The following GTF3C2 variants were observed in gnomAD, a reference collection of about 807,000 sequenced individuals.
GTF3C2 encodes the protein general transcription factor IIIC subunit 2, also known as general transcription factor 3C polypeptide 2.
GTF3C2 carries 17 observed loss-of-function variants against 117.4 expected under a neutral mutation model. That is an observed-to-expected ratio of 0.14 (90% CI 0.10 to 0.22). The LOEUF (loss-of-function observed/expected upper bound fraction) is 0.22. Ranked by LOEUF, GTF3C2 falls within the 10% of genes least tolerant of loss-of-function variation. The pLI, the probability that GTF3C2 is intolerant of heterozygous loss-of-function variation, is 1.00. For missense variants in GTF3C2, 888 were observed against 1,143.6 expected (o/e 0.78, Z 3.22); for synonymous variants, 437 against 427.0 (o/e 1.02, Z -0.29).
chr2:27,344,752 GGAA>G (rs1469334847), intron 1 of GTF3C2, among the ~76,000 whole-genome samples: 2 of 152,172 alleles, frequency 1.3e-5, no homozygotes, highest in Non-Finnish European at 2.9e-5. Context: ...GAGAGGCCAA[GGAA>G]GAAGGACTGC....
rs182750748 is a variant in GTF3C2 at position 27,334,935 on chromosome 2, T to C, written c.1576+663A>G. Among the ~76,000 whole-genome samples, 128 of 152,310 alleles carry C rather than the reference T, an allele frequency of 8.4e-4. 2 individuals are homozygous for C. Among genetic ancestry groups the C allele is most frequent in the African/African-American group, 3.0e-3 (123 of 41,576 alleles). Reference sequence around the variant, plus strand: ...ACTGGAATTAAGGCATGGACCACCATGCCCAGCCCCACAGCCAAACTTCTT... The same window carrying C: ...ACTGGAATTAAGGCATGGACCACCACGCCCAGCCCCACAGCCAAACTTCTT... On this transcript the variant is annotated intron_variant, in intron 10 of 18. Coordinates refer to ENST00000264720, the Ensembl canonical transcript of GTF3C2.
At position 27,336,044 on chromosome 2, in the gene GTF3C2, A is replaced by T. The variant is rs1407633893; in HGVS notation, c.1356-16T>A. The T allele has an allele frequency of 6.5e-6, 10 of 1,540,824 alleles. No homozygotes were observed. The highest frequency in any genetic ancestry group is 9.0e-6 in the Non-Finnish European group (10 of 1,113,224). ...GTTGCCAGGACTGGAGAGAGAGAGC[A>T]TGTGGGGATGGTGGGTAGGAAGAAG... On this transcript the variant is annotated splice_polypyrimidine_tract_variant and intron_variant, in intron 8 of 18. Transcript: ENST00000264720.
chr2:27,336,479 G>A, intron 7 of GTF3C2, 54 bp from the exon 8 acceptor site: 2 of 1,058,642 alleles, frequency 1.9e-6, no homozygotes, highest in Non-Finnish European at 2.9e-6. Flanking sequence ...AGGTAATGAG[G>A]ACTGAATGGG....
At chr2:27,341,854 T>C (rs1680743451) in intron 4 of GTF3C2, 94 bp downstream of exon 4, 2 of 1,072,532 alleles carry the variant, frequency 1.9e-6, no homozygotes, top group Non-Finnish European at 2.8e-6. Context: ...CTATTATAGT[T>C]ACCAGGTCAA....
intron 12 of GTF3C2, among the ~76,000 whole-genome samples, chr2:27,331,032 G>A (rs1195523692): frequency 6.6e-6 from 1 of 152,156 alleles, no homozygotes; most frequent in South Asian, 2.1e-4. Context: ...GCCACTCAGG[G>A]AATGAATGCA....
intron 3 of GTF3C2, 76 bp from the exon 4 acceptor site, chr2:27,342,309 A>C: frequency 8.4e-7 from 1 of 1,188,934 alleles, no homozygotes; most frequent in African/African-American, 1.5e-5. Flanking sequence ...GTTGATTTTT[A>C]TCTCAATGGA....
Position 27,343,857 on chromosome 2 carries a change from G to A in GTF3C2, c.-24-279C>T, listed in dbSNP as rs1345892656. ...GCTTAGGAGTTTGAGGCTAGCCTGG[G>A]CAACACAGCAAGACCCCTTCTCTAG... On this transcript the variant is annotated intron_variant, in intron 1 of 18. Transcript: ENST00000264720. Among the ~76,000 whole-genome samples, 4 of 151,672 alleles carry A rather than the reference G, an allele frequency of 2.6e-5. No homozygotes were observed. In the East Asian group the frequency reaches 7.7e-4, roughly 29 times the overall value.
At chr2:27,356,343 C>T in intron 1 of GTF3C2, 4 of 340,122 alleles carry the variant, frequency 1.2e-5, no homozygotes, top group South Asian at 6.6e-5. Context: ...ACCTGCCCTT[C>T]TTCAGTCCTG....
chr2:27,333,548 CT>C (rs1489604027), intron 12 of GTF3C2, 106 bp downstream of exon 12: 2 of 607,014 alleles, frequency 3.3e-6, no homozygotes, highest in African/African-American at 3.8e-5. Context: ...TTGAATATTT[CT>C]AACTATATGT....
chr2:27,327,985 A>T, intron 17 of GTF3C2, 52 bp downstream of exon 17: 1 of 1,504,796 alleles, frequency 6.6e-7, no homozygotes, highest in Non-Finnish European at 9.1e-7. Flanking sequence ...TACAAAGACT[A>T]AAGTTTTCTA....
rs200063514 is a variant in GTF3C2, at chr2:27,329,126, A to G, written c.2034T>C (p.Tyr678=). 19 of 1,614,000 alleles carry G rather than the reference A, an allele frequency of 1.2e-5. No homozygotes were observed. The highest frequency in any genetic ancestry group is 4.4e-5 in the South Asian group (4 of 91,084). The change falls in exon 14 of 19, where the codon TAT becomes TAC. Residue 678 remains tyrosine, a synonymous_variant. Transcript: ENST00000264720. This position sits in a 1 kb window ranked among gnomAD's most constrained non-coding sequence, Gnocchi z 4.5. ...CTATCTCCATCTTGCCGTACGAGGCATAGCAGTTGTCCTGAGCCACAGTGA... is the reference window on the plus strand; with the variant it reads ...CTATCTCCATCTTGCCGTACGAGGCGTAGCAGTTGTCCTGAGCCACAGTGA...
intron 5 of GTF3C2, 135 bp from the exon 6 acceptor site, chr2:27,337,693 C>T: frequency 1.4e-6 from 1 of 735,470 alleles, no homozygotes. Flanking sequence ...CAATTAGCTA[C>T]CAAGCACCTA....
exon 19 of GTF3C2, chr2:27,326,482 C>G: frequency 3.3e-6 from 2 of 604,380 alleles, no homozygotes; most frequent in Non-Finnish European, 6.0e-6. Context: ...GGAGAGCCCC[C>G]CTGCCCGCAG....
chr2:27,342,826 A>G, exon 3 of GTF3C2: 4 of 1,611,094 alleles, frequency 2.5e-6, no homozygotes, highest in Non-Finnish European at 3.4e-6. Flanking sequence ...CAATCCTTAC[A>G]CTTGGGCAGC....
chr2:27,328,993 C>G (rs1680188954), intron 14 of GTF3C2, 62 bp from the exon 15 acceptor site: 1 of 1,467,986 alleles, frequency 6.8e-7, no homozygotes, highest in Admixed American at 1.7e-5. Flanking sequence ...TCTTCTTAAC[C>G]TCTTCCAGAA....
At chr2:27,356,277 G>C in intron 1 of GTF3C2, 4 of 406,232 alleles carry the variant, frequency 9.8e-6, no homozygotes, top group South Asian at 7.1e-5. Flanking sequence ...CCTCCTCGAG[G>C]AAGAGGCTGG....
chr2:27,346,823 T>C (rs1320266242), intron 1 of GTF3C2, among the ~76,000 whole-genome samples: 5 of 151,986 alleles, frequency 3.3e-5, no homozygotes, highest in African/African-American at 7.2e-5. Context: ...GCTTCCCAAA[T>C]AGCCAAGACT....
At position 27,335,834 on chromosome 2, in the gene GTF3C2, G is replaced by A. The variant is rs550862856; in HGVS notation, c.1467+83C>T. ...CTCCATCCACTACACTCCAACCTTC[G>A]TTCCTTCAACTCTAAGAATTCCCAG... On this transcript the variant is annotated intron_variant, in intron 9 of 18. Transcript: ENST00000264720. The A allele has an allele frequency of 2.7e-4, 303 of 1,113,212 alleles. 2 individuals are homozygous for A. Among genetic ancestry groups the A allele is most frequent in the Admixed American group, 2.3e-4 (12 of 51,770 alleles). The allele number at this position is 1,113,212 out of a possible 1,614,324, so 69.0% of individuals were successfully genotyped here.
At chr2:27,330,060 C>T (rs1244540508) in intron 12 of GTF3C2, among the ~76,000 whole-genome samples, 6 of 149,592 alleles carry the variant, frequency 4.0e-5, no homozygotes, top group Non-Finnish European at 8.9e-5. Context: ...GCAGCAGAAT[C>T]GCTTGAACTC....
Sources: gnomAD v4.1 joint callset for allele counts (sites outside exome capture counted in the v4.1 genomes callset) on GRCh38, gnomAD v4.1.1 for gene constraint, Gnocchi (gnomAD v3.1) non-coding constraint, MANE v1.5 for transcripts, NCBI Gene and HGNC (gene_info 2026-07-23, HGNC 2026-07-21) for gene names.